EHBP1: variants seen among roughly 807,000 people sequenced by gnomAD.
The protein encoded by EHBP1 is EH domain binding protein 1.
In EHBP1, 55 loss-of-function variants were observed where a neutral mutation model predicts 144.0. That is an observed-to-expected ratio of 0.38 (90% CI 0.31 to 0.48). The LOEUF (loss-of-function observed/expected upper bound fraction) is 0.48. Ranked by LOEUF, EHBP1 falls within the 20% of genes least tolerant of loss-of-function variation. EHBP1 has a pLI of 0.98. For missense variants in EHBP1, 1,200 were observed against 1,364.2 expected, an observed-to-expected ratio of 0.88 and a Z score of 1.90; for synonymous variants, 469 against 472.7, an observed-to-expected ratio of 0.99 and a Z score of 0.10.
chr2:62,889,506 C>G (rs763412414), intron 10 of EHBP1, among the ~76,000 whole-genome samples: 10 of 151,970 alleles, frequency 6.6e-5, no homozygotes, highest in Non-Finnish European at 1.2e-4. Flanking sequence ...TGCCTAGGTT[C>G]TTTTCCAGGG....
intron 5 of EHBP1, among the ~76,000 whole-genome samples, chr2:62,792,019 A>G (rs890531245): frequency 1.3e-5 from 2 of 152,054 alleles, no homozygotes; most frequent in African/African-American, 4.8e-5. Context: ...TTCTGAATAC[A>G]GTTGTGTTAT....
At chr2:62,762,475 G>A (rs529327011) in intron 3 of EHBP1, among the ~76,000 whole-genome samples, 6 of 152,266 alleles carry the variant, frequency 3.9e-5, no homozygotes, top group Admixed American at 3.3e-4. Context: ...TATCTAAGAG[G>A]CAACTCATAT....
At chr2:62,843,871 A>C (rs944193503) in intron 7 of EHBP1, among the ~76,000 whole-genome samples, 1 of 152,236 alleles carries the variant, frequency 6.6e-6, no homozygotes, top group Non-Finnish European at 1.5e-5. Context: ...ATTTACCAGC[A>C]AAAGTGGCAA....
intron 7 of EHBP1, among the ~76,000 whole-genome samples, chr2:62,836,556 A>G (rs1289644245): frequency 7.4e-6 from 1 of 135,600 alleles, no homozygotes; most frequent in Non-Finnish European, 1.6e-5. Flanking sequence ...ACGGGAGGAC[A>G]TTCAAACCAA....
intron 19 of EHBP1, among the ~76,000 whole-genome samples, chr2:63,022,263 T>A (rs1194149588): frequency 6.6e-6 from 1 of 151,928 alleles, no homozygotes; most frequent in Admixed American, 6.6e-5. Flanking sequence ...ACATTGCCAG[T>A]TCCTCCTCTC....
chr2:62,834,870 T>A (rs750173959), intron 7 of EHBP1, among the ~76,000 whole-genome samples: 3 of 152,206 alleles, frequency 2.0e-5, no homozygotes, highest in Non-Finnish European at 2.9e-5. Context: ...GCTTTGGGAC[T>A]TGATGTATGG....
intron 13 of EHBP1, 77 bp downstream of exon 13, chr2:62,949,239 A>G: frequency 1.6e-6 from 2 of 1,237,480 alleles, no homozygotes; most frequent in Non-Finnish European, 1.1e-6. Flanking sequence ...GCATTCATAG[A>G]TGCTACAAAT....
chr2:62,797,626 T>C (rs971456036), intron 5 of EHBP1, among the ~76,000 whole-genome samples: 1 of 152,188 alleles, frequency 6.6e-6, no homozygotes, highest in Non-Finnish European at 1.5e-5. Flanking sequence ...ATAGGCAAAC[T>C]TTTGCCTGTT....
At chr2:62,937,063 G>GAA (rs1383398983) in intron 10 of EHBP1, among the ~76,000 whole-genome samples, 1 of 152,160 alleles carries the variant, frequency 6.6e-6, no homozygotes, top group East Asian at 1.9e-4. Flanking sequence ...TTTATTAACA[G>GAA]AAAGACTCTT....
At chr2:62,788,657 G>A (rs1379604768) in intron 5 of EHBP1, among the ~76,000 whole-genome samples, 1 of 151,946 alleles carries the variant, frequency 6.6e-6, no homozygotes, top group African/African-American at 2.4e-5. Context: ...ATTATTTTCT[G>A]TTATTACTAA....
chr2:62,967,105 C>T (rs2058280735), intron 14 of EHBP1, among the ~76,000 whole-genome samples: 1 of 152,156 alleles, frequency 6.6e-6, no homozygotes, highest in African/African-American at 2.4e-5. Flanking sequence ...TTATCAAATG[C>T]ATTGATCGTG....
At chr2:62,810,608 G>T (rs2044913331) in intron 5 of EHBP1, among the ~76,000 whole-genome samples, 1 of 152,218 alleles carries the variant, frequency 6.6e-6, no homozygotes, top group Non-Finnish European at 1.5e-5. Context: ...GGGCACTTGG[G>T]TGCTTAGATC....
chr2:62,706,561 C>T (rs2151792262), intron 1 of EHBP1: 1 of 152,432 alleles, frequency 6.6e-6, no homozygotes, highest in Admixed American at 6.5e-5. Flanking sequence ...TGGCGGTGGA[C>T]ATTAAACAGC....
At chr2:62,683,658 CAAAAAAAA>C (rs397936534) in intron 1 of EHBP1, among the ~76,000 whole-genome samples, 1 of 50,138 alleles carries the variant, frequency 2.0e-5, no homozygotes, top group Admixed American at 2.5e-4. Flanking sequence ...GACTCCATCT[CAAAAAAAA>C]AAAAAAAAAA....
intron 10 of EHBP1, among the ~76,000 whole-genome samples, chr2:62,894,423 T>C (rs985469182): frequency 5.3e-5 from 8 of 151,910 alleles, no homozygotes; most frequent in South Asian, 4.1e-4. Flanking sequence ...AATGTGTATG[T>C]GTGTAGTGAG....
Position 62,979,175 on chromosome 2 carries a change from C to T in EHBP1, c.2461-13C>T, listed in dbSNP as rs1330177364. Reference sequence around the variant, plus strand: ...GTCAATTACTGAGTTGGCAACTGTTCAATATATCTTAGCAGCAAGATGAAG... The same window carrying T: ...GTCAATTACTGAGTTGGCAACTGTTTAATATATCTTAGCAGCAAGATGAAG... On this transcript the variant is annotated splice_polypyrimidine_tract_variant and intron_variant, in intron 14 of 22. Coordinates refer to ENST00000431489, the MANE Select transcript of EHBP1 (RefSeq NM_001142616.3). 6.2e-7 allele frequency: 1 copy of T among 1,607,998 alleles called. No individual in the cohort carries two copies. Among genetic ancestry groups the T allele is most frequent in the Non-Finnish European group, 8.5e-7 (1 of 1,176,860 alleles).
intron 9 of EHBP1, among the ~76,000 whole-genome samples, chr2:62,873,162 C>A (rs1292509621): frequency 6.6e-6 from 1 of 152,174 alleles, no homozygotes; most frequent in East Asian, 1.9e-4. Context: ...TTACAAAACA[C>A]ACAAGGAAAC....
At chr2:62,855,672 T>C (rs1193186131) in intron 7 of EHBP1, among the ~76,000 whole-genome samples, 1 of 152,184 alleles carries the variant, frequency 6.6e-6, no homozygotes. Context: ...GACAATCAGC[T>C]GCAGAGAGAA....
intron 1 of EHBP1, among the ~76,000 whole-genome samples, chr2:62,688,390 T>C (rs929962549): frequency 3.9e-5 from 6 of 152,180 alleles, no homozygotes; most frequent in African/African-American, 1.2e-4. Flanking sequence ...CTTTATGGGG[T>C]ACATAGTGAT....
Sources: allele counts gnomAD v4.1 joint callset (sites outside exome capture counted in the v4.1 genomes callset), GRCh38; gene constraint gnomAD v4.1.1; transcripts MANE v1.5; gene names NCBI Gene and HGNC (gene_info 2026-07-23, HGNC 2026-07-21).